ARMC2: variants seen among roughly 807,000 people sequenced by gnomAD.
ARMC2 encodes the protein armadillo repeat-containing protein 2.
A neutral mutation model predicts 90.3 loss-of-function variants in ARMC2; 67 were observed. That is an observed-to-expected ratio of 0.74 (90% confidence interval 0.61 to 0.91). The LOEUF is 0.91. Among genes scored for constraint, ARMC2 ranks in the 40% least tolerant of loss-of-function variants. The probability of loss-of-function intolerance (pLI) is 0.00; values close to 1 mark genes in which losing one functional copy is unlikely to be tolerated. For synonymous variants in ARMC2, 393 were observed against 393.0 expected (o/e 1.00, Z 0.00); for missense variants, 920 against 1,030.9 (o/e 0.89, Z 1.47).
intron 11 of ARMC2, among the ~76,000 whole-genome samples, chr6:108,932,018 GC>G (rs1775600982): frequency 6.6e-6 from 1 of 151,890 alleles, no homozygotes; most frequent in South Asian, 2.1e-4. Flanking sequence ...GCCCGCCTCA[GC>G]CTCCCAAAGT....
chr6:108,861,332 T>C (rs758446116), intron 3 of ARMC2, among the ~76,000 whole-genome samples: 7 of 152,374 alleles, frequency 4.6e-5, no homozygotes, highest in Admixed American at 2.0e-4. Context: ...TTGTTTTGGA[T>C]GAACCATTTG....
At chr6:108,945,228 G>A (rs980659757) in intron 12 of ARMC2, among the ~76,000 whole-genome samples, 1 of 152,118 alleles carries the variant, frequency 6.6e-6, no homozygotes, top group Non-Finnish European at 1.5e-5. Flanking sequence ...GGCAGAGCCT[G>A]CCTCAGGAGG....
chr6:108,873,934 A>G (rs1293359405), intron 4 of ARMC2, among the ~76,000 whole-genome samples: 1 of 152,182 alleles, frequency 6.6e-6, no homozygotes, highest in Non-Finnish European at 1.5e-5. Flanking sequence ...CGTCATTAAG[A>G]AAAGTGTTTT....
At chr6:108,997,344 G>C in the ARMC2 span, among the ~76,000 whole-genome samples, 218 of 152,298 alleles carry the variant, frequency 1.4e-3, 1 homozygote, top group African/African-American at 5.0e-3. Flanking sequence ...TCTAGCAACT[G>C]AATACTCTCT....
intron 7 of ARMC2, among the ~76,000 whole-genome samples, chr6:108,900,020 G>A (rs1771968928): frequency 6.6e-6 from 1 of 152,086 alleles, no homozygotes; most frequent in Non-Finnish European, 1.5e-5. Flanking sequence ...TGCACCAAGA[G>A]AGCCAATTTC....
At chr6:108,903,151 G>A (rs1772320541) in intron 7 of ARMC2, among the ~76,000 whole-genome samples, 1 of 152,186 alleles carries the variant, frequency 6.6e-6, no homozygotes, top group Admixed American at 6.5e-5. Context: ...CTGGGTGACA[G>A]AGTGAGACTC....
At chr6:108,988,444 T>C in the ARMC2 span, 36 of 1,063,318 alleles carry the variant, frequency 3.4e-5, no homozygotes, top group African/African-American at 1.6e-5. Context: ...TTTGGGTTGG[T>C]AGGGGTGATG....
chr6:109,018,419 C>G, the ARMC2 span, among the ~76,000 whole-genome samples: 1 of 152,146 alleles, frequency 6.6e-6, no homozygotes, highest in Admixed American at 6.6e-5. Context: ...AAAATTAATG[C>G]GTGTCTACAT....
intron 3 of ARMC2, among the ~76,000 whole-genome samples, chr6:108,866,916 G>C (rs1234163323): frequency 1.3e-5 from 2 of 151,950 alleles, no homozygotes; most frequent in Non-Finnish European, 2.9e-5. Context: ...TTCTTGGAAG[G>C]AACACCCTAA....
the ARMC2 span, chr6:108,986,601 C>A: frequency 6.6e-6 from 1 of 152,620 alleles, no homozygotes; most frequent in Non-Finnish European, 1.5e-5. Context: ...GATAACCCGA[C>A]TAAAAATATT....
intron 12 of ARMC2, among the ~76,000 whole-genome samples, chr6:108,939,442 G>C (rs892849331): frequency 9.2e-5 from 14 of 152,076 alleles, no homozygotes; most frequent in Non-Finnish European, 1.9e-4. Flanking sequence ...GTTTTCTTGA[G>C]ATCTGCTTGT....
At chr6:108,869,085 C>T in intron 4 of ARMC2, 90 bp downstream of exon 4, 2 of 1,352,010 alleles carry the variant, frequency 1.5e-6, no homozygotes, top group Non-Finnish European at 2.0e-6. Context: ...TTTTTCCTAA[C>T]CCTGGATGAT....
chr6:108,901,098 ATTTTTTTTTTTTTTTTTTT>A (rs1173637475), intron 7 of ARMC2, among the ~76,000 whole-genome samples: 1,488 of 59,404 alleles, frequency 0.025, 33 homozygotes, highest in South Asian at 0.082. Context: ...GAAAGAAGGA[ATTTTTTTTTTTTTTTTTTT>A]TTTTTTTTTT....
chr6:108,925,729 G>A (rs1231492006), intron 10 of ARMC2, among the ~76,000 whole-genome samples: 1 of 152,172 alleles, frequency 6.6e-6, no homozygotes, highest in Admixed American at 6.5e-5. Context: ...CATCTATTGA[G>A]CTATTGCTGT....
At chr6:108,863,154 G>GTT (rs1001831560) in intron 3 of ARMC2, among the ~76,000 whole-genome samples, 1 of 152,064 alleles carries the variant, frequency 6.6e-6, no homozygotes, top group East Asian at 1.9e-4. Context: ...TGTTTGTTTT[G>GTT]TTTTTTCTGA....
In ARMC2 at chr6:108,928,410, C is replaced by T. The variant is rs111790031; in HGVS notation, c.1496+177C>T. 8.6e-3 allele frequency among the ~76,000 whole-genome samples: 1,309 copies of T among 152,152 alleles called. 14 individuals carry two copies. Among genetic ancestry groups the T allele is most frequent in the Non-Finnish European group, 0.014 (930 of 68,012 alleles). ...AAAATGAACAATTCAAACAAATGAA[C>T]CCATTGTCTATATGATTCTATTGTG... On this transcript the variant is annotated intron_variant, in intron 11 of 17. Coordinates refer to ENST00000392644, the MANE Select transcript of ARMC2 (RefSeq NM_032131.6).
the ARMC2 span, among the ~76,000 whole-genome samples, chr6:109,050,863 C>A: frequency 6.6e-6 from 1 of 152,316 alleles, no homozygotes; most frequent in East Asian, 1.9e-4. Context: ...AGGTTCCAGC[C>A]TAGCAAAGGA....
chr6:109,007,792 T>C, the ARMC2 span, among the ~76,000 whole-genome samples: 2 of 122,576 alleles, frequency 1.6e-5, no homozygotes, highest in African/African-American at 2.7e-5. Context: ...GTACTTTTTT[T>C]TTTTTTTTTT....
At chr6:108,853,614 C>A (rs1774223136) in intron 1 of ARMC2, among the ~76,000 whole-genome samples, 1 of 152,108 alleles carries the variant, frequency 6.6e-6, no homozygotes, top group African/African-American at 2.4e-5. Flanking sequence ...TCTCATGGCC[C>A]TTGTAATGAC....
Sources: gnomAD v4.1 joint callset for allele counts (sites outside exome capture counted in the v4.1 genomes callset) on GRCh38, gnomAD v4.1.1 for gene constraint, MANE v1.5 for transcripts, NCBI Gene and HGNC (gene_info 2026-07-23, HGNC 2026-07-21) for gene names.